The following SOX5 variants were observed in gnomAD, a reference collection of about 807,000 sequenced individuals.
SOX5 encodes the protein transcription factor SOX-5.
SOX5 carries 9 observed loss-of-function variants against 92.0 expected under a neutral mutation model. The ratio of observed to expected loss-of-function variants is 0.10; its 90% confidence interval spans 0.06 to 0.17. The LOEUF (loss-of-function observed/expected upper bound fraction) is 0.17, where lower values mean the gene tolerates loss of function less well. Ranked by LOEUF, SOX5 falls within the 10% of genes least tolerant of loss-of-function variation. The pLI is 1.00. For synonymous variants in SOX5, 344 were observed against 336.3 expected (o/e 1.02, Z -0.25); for missense variants, 642 against 944.5 (o/e 0.68, Z 4.20).
intron 4 of SOX5, among the ~76,000 whole-genome samples, chr12:24,192,636 T>C (rs1338209907): frequency 6.6e-6 from 1 of 152,246 alleles, no homozygotes; most frequent in Non-Finnish European, 1.5e-5. Flanking sequence ...CCTGCTGCCT[T>C]ACAAATCCAA....
At chr12:23,725,441 T>G (rs1191450809) in intron 6 of SOX5, among the ~76,000 whole-genome samples, 1 of 152,094 alleles carries the variant, frequency 6.6e-6, no homozygotes, top group Non-Finnish European at 1.5e-5. Context: ...TGAGACTTAT[T>G]CACTATCATG....
At chr12:23,904,188 T>A (rs1210222793) in intron 1 of SOX5, among the ~76,000 whole-genome samples, 1 of 152,316 alleles carries the variant, frequency 6.6e-6, no homozygotes, top group South Asian at 2.1e-4. Context: ...AGCCTTTAAA[T>A]AGAAGATTTA....
At chr12:24,047,064 C>G (rs1390243645) in intron 4 of SOX5, among the ~76,000 whole-genome samples, 1 of 152,130 alleles carries the variant, frequency 6.6e-6, no homozygotes, top group African/African-American at 2.4e-5. Context: ...ATTTTTTCCC[C>G]CTTTGGAGGT....
intron 3 of SOX5, among the ~76,000 whole-genome samples, chr12:23,780,611 A>G (rs2095257793): frequency 1.3e-5 from 2 of 152,132 alleles, no homozygotes; most frequent in Admixed American, 1.3e-4. Context: ...ATTTAGAACA[A>G]GAGTACAAAA....
intron 3 of SOX5, among the ~76,000 whole-genome samples, chr12:24,235,374 T>C (rs1431481465): frequency 6.6e-6 from 1 of 152,226 alleles, no homozygotes; most frequent in African/African-American, 2.4e-5. Flanking sequence ...TTGGTTCATA[T>C]CTATTCCAAT....
chr12:23,801,260 G>C (rs1435444496), intron 3 of SOX5, among the ~76,000 whole-genome samples: 1 of 151,946 alleles, frequency 6.6e-6, no homozygotes, highest in Non-Finnish European at 1.5e-5. Context: ...AAGAAGACAG[G>C]GTGAAGGAAA....
intron 1 of SOX5, among the ~76,000 whole-genome samples, chr12:24,431,791 C>A (rs562513974): frequency 6.6e-6 from 1 of 152,266 alleles, no homozygotes; most frequent in South Asian, 2.1e-4. Context: ...TTTATGCAAG[C>A]TGCTGACACC....
rs3112130 is a variant in SOX5 at position 24,540,370 on chromosome 12, A to T, written c.-251+21959T>A. Among the ~76,000 whole-genome samples, 406 of 152,250 alleles carry T rather than the reference A, an allele frequency of 2.7e-3. 3 individuals are homozygous for T. The highest frequency in any genetic ancestry group is 7.9e-3 in the African/African-American group (327 of 41,570). On this transcript the variant is annotated intron_variant, in intron 1 of 4. Transcript: ENST00000446891. Reference sequence around the variant, plus strand: ...CATCTAAGTTCAAATGTATTTTACCATGTTAATGGTCACCTTAGAACACTA... The same window carrying T: ...CATCTAAGTTCAAATGTATTTTACCTTGTTAATGGTCACCTTAGAACACTA...
intron 1 of SOX5, among the ~76,000 whole-genome samples, chr12:24,471,635 T>C (rs143126339): frequency 6.6e-6 from 1 of 152,314 alleles, no homozygotes; most frequent in East Asian, 1.9e-4. Context: ...GGGCTGATAA[T>C]TTAAGATGTT....
intron 3 of SOX5, among the ~76,000 whole-genome samples, chr12:23,767,820 C>A (rs2094788239): frequency 1.9e-4 from 1 of 5,206 alleles, no homozygotes; most frequent in Non-Finnish European, 4.8e-4. Flanking sequence ...AATATCTTCA[C>A]TCATATATAT....
chr12:24,557,340 G>A (rs1210530515), intron 1 of SOX5, among the ~76,000 whole-genome samples: 2 of 148,372 alleles, frequency 1.3e-5, no homozygotes, highest in African/African-American at 2.5e-5. Context: ...ACATCCCTCC[G>A]CCTGTGGACC....
At chr12:23,946,005 C>T (rs1234301860) in intron 1 of SOX5, among the ~76,000 whole-genome samples, 3 of 152,096 alleles carry the variant, frequency 2.0e-5, no homozygotes, top group African/African-American at 7.2e-5. Context: ...TAGTTTGTAA[C>T]AGCACCTGAT....
intron 6 of SOX5, among the ~76,000 whole-genome samples, chr12:23,696,706 T>C (rs894582585): frequency 4.6e-5 from 7 of 152,174 alleles, no homozygotes; most frequent in African/African-American, 1.7e-4. Context: ...CCTTTCCACT[T>C]TTCCAATATA....
intron 4 of SOX5, among the ~76,000 whole-genome samples, chr12:24,207,738 A>G (rs992106437): frequency 5.9e-5 from 9 of 152,328 alleles, no homozygotes; most frequent in Middle Eastern, 6.8e-3. Context: ...AAAATTCTAC[A>G]TGGCATTCAG....
intron 5 of SOX5, among the ~76,000 whole-genome samples, chr12:23,738,221 A>G (rs2093673215): frequency 6.6e-6 from 1 of 152,230 alleles, no homozygotes; most frequent in South Asian, 2.1e-4. Flanking sequence ...TACCAGAAGT[A>G]TTAGAATACA....
Position 24,214,590 on chromosome 12 carries a change from T to C in SOX5, c.-76-1173A>G, listed in dbSNP as rs11047318. On this transcript the variant is annotated intron_variant, in intron 3 of 4. Transcript: ENST00000446891. ...GCATTTATTAATTATATGTGGGATC[T>C]TGCAACAAGCTTATTAAAATTGTAT... Among the ~76,000 whole-genome samples, 940 of 152,246 alleles carry C rather than the reference T, an allele frequency of 6.2e-3. 11 individuals are homozygous for C. Among genetic ancestry groups the C allele is most frequent in the African/African-American group, 0.021 (864 of 41,580 alleles).
chr12:23,704,711 T>TATATATATATATATATATATAG (rs1220057297), intron 6 of SOX5, among the ~76,000 whole-genome samples: 1 of 119,356 alleles, frequency 8.4e-6, no homozygotes, highest in Non-Finnish European at 1.9e-5. Context: ...TATATATATA[T>TATATATATATATATATATATAG]ATATACACAC....
intron 1 of SOX5, among the ~76,000 whole-genome samples, chr12:24,505,989 T>C (rs1160961037): frequency 6.6e-6 from 1 of 152,202 alleles, no homozygotes; most frequent in Non-Finnish European, 1.5e-5. Flanking sequence ...TTTAGTCTAA[T>C]GTAACTCCAG....
At chr12:23,797,985 A>G (rs1399825191) in intron 3 of SOX5, among the ~76,000 whole-genome samples, 1 of 151,794 alleles carries the variant, frequency 6.6e-6, no homozygotes, top group Non-Finnish European at 1.5e-5. Context: ...CGTCCCCCAA[A>G]TATCTGCATG....
Sources: allele counts gnomAD v4.1 joint callset (sites outside exome capture counted in the v4.1 genomes callset), GRCh38; gene constraint gnomAD v4.1.1; transcripts MANE v1.5; gene names NCBI Gene and HGNC (gene_info 2026-07-23, HGNC 2026-07-21).